The following CATSPERT variants were observed in gnomAD, a reference collection of about 807,000 sequenced individuals.
CATSPERT encodes catsper channel auxiliary subunit tau.
the CATSPERT span, among the ~76,000 whole-genome samples, chr2:201,552,256 T>C: frequency 4.6e-5 from 7 of 152,296 alleles, no homozygotes; most frequent in Admixed American, 3.3e-4. Context: ...ATTACAGGTG[T>C]GAGCCACTGC....
the CATSPERT span, chr2:201,537,335 C>A: frequency 1.5e-5 from 15 of 978,186 alleles, no homozygotes; most frequent in African/African-American, 2.1e-4. Context: ...TGAGTAACTT[C>A]TTGGATGCCT....
At chr2:201,604,600 C>G in the CATSPERT span, 1 of 1,547,758 alleles carries the variant, frequency 6.5e-7, no homozygotes, top group South Asian at 1.2e-5. Flanking sequence ...TTGAGGGTTA[C>G]TCATACATAC....
At chr2:201,541,568 T>A in the CATSPERT span, among the ~76,000 whole-genome samples, 1 of 50,814 alleles carries the variant, frequency 2.0e-5, no homozygotes, top group Admixed American at 2.3e-4. Context: ...TATATATATA[T>A]ATATATATAT....
At chr2:201,579,932 G>C in the CATSPERT span, among the ~76,000 whole-genome samples, 1 of 150,302 alleles carries the variant, frequency 6.7e-6, no homozygotes, top group Admixed American at 6.7e-5. Context: ...GCTCACTGCA[G>C]TCTCGAACTC....
chr2:201,525,640 G>C, the CATSPERT span, among the ~76,000 whole-genome samples: 3 of 152,084 alleles, frequency 2.0e-5, no homozygotes, highest in African/African-American at 7.2e-5. Flanking sequence ...GAACAAAATG[G>C]AGATGTGAAA....
chr2:201,611,338 G>A, the CATSPERT span, among the ~76,000 whole-genome samples: 2 of 152,094 alleles, frequency 1.3e-5, no homozygotes, highest in African/African-American at 2.4e-5. Flanking sequence ...TCACAAAGAC[G>A]TGGAAATTAA....
At chr2:201,515,911 G>A in the CATSPERT span, among the ~76,000 whole-genome samples, 1 of 152,176 alleles carries the variant, frequency 6.6e-6, no homozygotes, top group African/African-American at 2.4e-5. Context: ...GTAACACATC[G>A]ATTTCATTAC....
At chr2:201,614,767 A>G in the CATSPERT span, among the ~76,000 whole-genome samples, 1 of 152,228 alleles carries the variant, frequency 6.6e-6, no homozygotes, top group African/African-American at 2.4e-5. Context: ...AGACTGGCAA[A>G]TTGGATAAAG....
chr2:201,559,182 T>A, the CATSPERT span, among the ~76,000 whole-genome samples: 1 of 152,026 alleles, frequency 6.6e-6, no homozygotes, highest in Non-Finnish European at 1.5e-5. Flanking sequence ...GTACCCCCAA[T>A]AAGGGCCAGA....
the CATSPERT span, among the ~76,000 whole-genome samples, chr2:201,593,697 T>G: frequency 5.6e-4 from 84 of 151,250 alleles, 1 homozygote; most frequent in Non-Finnish European, 1.0e-4. Context: ...GATAGTTAGC[T>G]CTTCTTGTTG....
At chr2:201,513,863 T>G in the CATSPERT span, among the ~76,000 whole-genome samples, 1 of 152,230 alleles carries the variant, frequency 6.6e-6, no homozygotes, top group African/African-American at 2.4e-5. Flanking sequence ...ATCATAGATA[T>G]GTTTTCTGAC....
At chr2:201,592,929 C>A in the CATSPERT span, among the ~76,000 whole-genome samples, 1 of 152,074 alleles carries the variant, frequency 6.6e-6, no homozygotes, top group Non-Finnish European at 1.5e-5. Flanking sequence ...TTTCAAAAAA[C>A]CAGCTGCTGG....
the CATSPERT span, among the ~76,000 whole-genome samples, chr2:201,589,800 A>G: frequency 5.3e-5 from 8 of 152,210 alleles, no homozygotes; most frequent in East Asian, 7.7e-4. Flanking sequence ...CAGCAAAATA[A>G]TCAACAGAGT....
At chr2:201,494,634 C>G in the CATSPERT span, 2 of 1,537,234 alleles carry the variant, frequency 1.3e-6, no homozygotes, top group Non-Finnish European at 1.7e-6. Context: ...GGTCTTCATG[C>G]TCTATGACCT....
At chr2:201,487,725 C>T in the CATSPERT span, 1 of 1,614,104 alleles carries the variant, frequency 6.2e-7, no homozygotes, top group South Asian at 1.1e-5. Context: ...GTAAACTTTC[C>T]ACTGTAGCTT....
the CATSPERT span, among the ~76,000 whole-genome samples, chr2:201,529,057 G>T: frequency 6.6e-6 from 1 of 152,006 alleles, no homozygotes; most frequent in Non-Finnish European, 1.5e-5. Flanking sequence ...GGAGGTAAAA[G>T]ACTTCTACAA....
the CATSPERT span, among the ~76,000 whole-genome samples, chr2:201,578,976 A>G: frequency 6.6e-6 from 1 of 152,260 alleles, no homozygotes; most frequent in African/African-American, 2.4e-5. Context: ...TGTATTAGAA[A>G]TTTATCTGAT....
the CATSPERT span, among the ~76,000 whole-genome samples, chr2:201,601,250 T>C: frequency 9.7e-4 from 146 of 150,802 alleles, no homozygotes; most frequent in Non-Finnish European, 1.9e-3. Context: ...CCTCAGTTTC[T>C]TCATCCGTAA....
At chr2:201,590,444 A>G in the CATSPERT span, among the ~76,000 whole-genome samples, 2 of 152,058 alleles carry the variant, frequency 1.3e-5, no homozygotes, top group African/African-American at 4.8e-5. Flanking sequence ...CGCAATAAAC[A>G]TATGTGTGCA....
Sources: gnomAD v4.1 joint callset for allele counts (sites outside exome capture counted in the v4.1 genomes callset) on GRCh38, gnomAD v4.1.1 for gene constraint, MANE v1.5 for transcripts, NCBI Gene and HGNC (gene_info 2026-07-23, HGNC 2026-07-21) for gene names.